The following NPSR1 variants were observed in gnomAD, a reference collection of about 807,000 sequenced individuals.
NPSR1 encodes neuropeptide S receptor 1, also known as neuropeptide S receptor.
In NPSR1, 48 loss-of-function variants were observed where a neutral mutation model predicts 46.9. The observed-to-expected ratio is 1.02, with a 90% CI of 0.81 to 1.30. The LOEUF (loss-of-function observed/expected upper bound fraction) is 1.30. Ranked by LOEUF, NPSR1 falls within the 50% of genes most tolerant of loss-of-function variation. The pLI is 0.00. For missense variants in NPSR1, 450 were observed against 449.5 expected, an observed-to-expected ratio of 1.00 and a Z score of -0.01; for synonymous variants, 176 against 168.1, an observed-to-expected ratio of 1.05 and a Z score of -0.36.
intron 4 of NPSR1, among the ~76,000 whole-genome samples, chr7:34,820,936 T>C (rs910536368): frequency 6.6e-6 from 1 of 152,100 alleles, no homozygotes. Flanking sequence ...CTCATCAGAC[T>C]TAAAGTCTGT....
At chr7:34,717,194 G>A (rs1022450399) in intron 2 of NPSR1, among the ~76,000 whole-genome samples, 18 of 152,174 alleles carry the variant, frequency 1.2e-4, no homozygotes, top group East Asian at 3.9e-4. Context: ...GTGCAATAGC[G>A]CGAACTCAGC....
chr7:34,703,866 C>G (rs10241507), intron 2 of NPSR1: 57,861 of 152,394 alleles, frequency 0.38, 11,595 homozygotes, highest in African/African-American at 0.49. Context: ...AATAAAAATG[C>G]GGAACTAATA....
intron 8 of NPSR1, among the ~76,000 whole-genome samples, chr7:34,859,750 C>T (rs1791141696): frequency 6.6e-6 from 1 of 151,736 alleles, no homozygotes; most frequent in African/African-American, 2.4e-5. Context: ...ACCCCCAACC[C>T]CAGAGATTCT....
chr7:34,728,316 T>A lies in NPSR1; in HGVS notation c.280+43632T>A, dbSNP rs117110873. ...CAGACCCTGTCGCTGGAACAGGGTA[T>A]CAGAACATCCTCCCAATCTATTCTG... On this transcript the variant is annotated intron_variant, in intron 2 of 8. Transcript: ENST00000360581. Among the ~76,000 whole-genome samples, 994 of 152,276 alleles carry A rather than the reference T, an allele frequency of 6.5e-3. 9 individuals are homozygous for A. Among genetic ancestry groups the A allele is most frequent in the Non-Finnish European group, 9.4e-3 (639 of 68,006 alleles).
chr7:34,866,816 GT>G (rs1432525138), intron 8 of NPSR1, among the ~76,000 whole-genome samples: 1 of 151,716 alleles, frequency 6.6e-6, no homozygotes, highest in Admixed American at 6.6e-5. Flanking sequence ...GGAGGTTACA[GT>G]TAGAAAAAAA....
intron 2 of NPSR1, chr7:34,710,967 T>C (rs1783251525): frequency 2.8e-6 from 1 of 354,078 alleles, no homozygotes; most frequent in Non-Finnish European, 5.5e-6. Context: ...GAAATTCAAA[T>C]GGCTAGGATG....
intron 8 of NPSR1, among the ~76,000 whole-genome samples, chr7:34,861,998 C>T (rs554567187): frequency 6.6e-6 from 1 of 151,994 alleles, no homozygotes; most frequent in South Asian, 2.1e-4. Flanking sequence ...CCAGCAAGAG[C>T]ATTCTGCTCC....
intron 2 of NPSR1, among the ~76,000 whole-genome samples, chr7:34,733,772 GT>G (rs1220269394): frequency 6.6e-6 from 1 of 152,198 alleles, no homozygotes; most frequent in African/African-American, 2.4e-5. Flanking sequence ...GGAAGTCACA[GT>G]TTTTCCATTA....
intron 7 of NPSR1, chr7:34,845,531 C>T (rs747010177): frequency 3.1e-5 from 14 of 454,808 alleles, no homozygotes; most frequent in Middle Eastern, 3.2e-4. Context: ...GGTGGTGCCC[C>T]GGCTTACTTC....
At chr7:34,675,532 A>G (rs1275415899) in intron 1 of NPSR1, among the ~76,000 whole-genome samples, 3 of 152,202 alleles carry the variant, frequency 2.0e-5, no homozygotes, top group Non-Finnish European at 4.4e-5. Flanking sequence ...CTTGTCATCA[A>G]CCAAGTTTCC....
intron 3 of NPSR1, among the ~76,000 whole-genome samples, chr7:34,809,553 T>C (rs1788882226): frequency 6.8e-6 from 1 of 146,740 alleles, no homozygotes; most frequent in African/African-American, 2.5e-5. Context: ...AAGCTCTGCC[T>C]CCCGGGTTCA....
chr7:34,670,621 T>C (rs1218613424), intron 1 of NPSR1, among the ~76,000 whole-genome samples: 1 of 151,006 alleles, frequency 6.6e-6, no homozygotes, highest in East Asian at 1.9e-4. Flanking sequence ...ACATTAATTA[T>C]ATAAAAATAT....
At chr7:34,804,550 A>T (rs928644955) in intron 3 of NPSR1, among the ~76,000 whole-genome samples, 2 of 152,072 alleles carry the variant, frequency 1.3e-5, no homozygotes, top group African/African-American at 4.8e-5. Context: ...CATCTAAAAA[A>T]ACCATACAGT....
At chr7:34,793,898 A>G (rs1788051266) in intron 3 of NPSR1, among the ~76,000 whole-genome samples, 1 of 152,206 alleles carries the variant, frequency 6.6e-6, no homozygotes, top group Non-Finnish European at 1.5e-5. Context: ...TAAAAAAGAA[A>G]GAAATTGTTT....
chr7:34,769,800 C>T (rs1411957244), intron 2 of NPSR1, among the ~76,000 whole-genome samples: 1 of 152,290 alleles, frequency 6.6e-6, no homozygotes, highest in East Asian at 1.9e-4. Context: ...GACTCTACTT[C>T]GGCTTTTCTG....
chr7:34,751,582 T>C, intron 2 of NPSR1: 1 of 1,601,204 alleles, frequency 6.2e-7, no homozygotes. Context: ...GTGCTCCTGT[T>C]CTTCCCGGAG....
intron 2 of NPSR1, among the ~76,000 whole-genome samples, chr7:34,723,554 T>TAAAG (rs1213531632): frequency 2.0e-5 from 3 of 150,300 alleles, no homozygotes; most frequent in Admixed American, 1.3e-4. Flanking sequence ...AATAAATAAA[T>TAAAG]AAAGATGAAT....
At chr7:34,783,866 G>A (rs556292192) in intron 3 of NPSR1, among the ~76,000 whole-genome samples, 1 of 152,034 alleles carries the variant, frequency 6.6e-6, no homozygotes, top group Non-Finnish European at 1.5e-5. Flanking sequence ...ACATATGTAA[G>A]GAAGGAAAAA....
intron 2 of NPSR1, chr7:34,750,526 G>C: frequency 1.4e-6 from 1 of 700,054 alleles, no homozygotes; most frequent in East Asian, 2.7e-5. Context: ...GGGCTCTCTG[G>C]CTACCTGCTT....
Sources: gnomAD v4.1 joint callset for allele counts (sites outside exome capture counted in the v4.1 genomes callset) on GRCh38, gnomAD v4.1.1 for gene constraint, MANE v1.5 for transcripts, NCBI Gene and HGNC (gene_info 2026-07-23, HGNC 2026-07-21) for gene names.